IL1RAPL1: variants seen among roughly 807,000 people sequenced by gnomAD.
The protein encoded by IL1RAPL1 is interleukin-1 receptor accessory protein-like 1.
Under a neutral mutation model 48.4 loss-of-function variants are expected in IL1RAPL1, and 3 were observed. The observed-to-expected ratio is 0.06, with a 90% CI of 0.03 to 0.16. The LOEUF is 0.16. Among genes scored for constraint, IL1RAPL1 ranks in the 10% least tolerant of loss-of-function variants. The pLI is 1.00. For synonymous variants in IL1RAPL1, 185 were observed against 187.7 expected (o/e 0.99, Z 0.12); for missense variants, 349 against 530.6 (o/e 0.66, Z 3.36).
chrX:28,969,594 T>A (rs767220735), intron 2 of IL1RAPL1, among the ~76,000 whole-genome samples: 1 of 110,328 alleles, frequency 9.1e-6, no homozygotes, highest in Non-Finnish European at 1.9e-5. Flanking sequence ...TATGATGATG[T>A]TTGTTAGGTT....
At chrX:29,954,330 A>G (rs986830953) in intron 9 of IL1RAPL1, among the ~76,000 whole-genome samples, 192 bp from the exon 10 acceptor site, 3 of 110,134 alleles carry the variant, frequency 2.7e-5, no homozygotes, top group Non-Finnish European at 5.7e-5. Flanking sequence ...AACAAATCAA[A>G]ATTCAACCCT....
chrX:29,804,403 C>G (rs760514799), intron 6 of IL1RAPL1, among the ~76,000 whole-genome samples: 1 of 111,619 alleles, frequency 9.0e-6, no homozygotes, highest in South Asian at 3.8e-4. Context: ...TGTCCCCACC[C>G]AAATCCCACC....
intron 6 of IL1RAPL1, among the ~76,000 whole-genome samples, chrX:29,769,610 A>ATTTTTT (rs146650137): frequency 4.6e-5 from 2 of 43,061 alleles, no homozygotes; most frequent in Non-Finnish European, 7.7e-5. Flanking sequence ...TGCCTGGCTA[A>ATTTTTT]TTTTTTTTTT....
At chrX:28,692,679 A>G (rs1935191753) in intron 1 of IL1RAPL1, among the ~76,000 whole-genome samples, 1 of 112,061 alleles carries the variant, frequency 8.9e-6, no homozygotes, top group South Asian at 3.7e-4. Flanking sequence ...GAGTGTTCAT[A>G]TGTAATGTTT....
At position 28,653,164 on chromosome X, in the gene IL1RAPL1, C is replaced by G. The variant is rs139156301; in HGVS notation, c.-25+65117C>G. Among the ~76,000 whole-genome samples, 7 of 111,832 alleles carry G rather than the reference C, an allele frequency of 6.3e-5. No homozygotes were observed. In the East Asian group the frequency reaches 2.0e-3, roughly 31 times the overall value. On this transcript the variant is annotated intron_variant, in intron 1 of 10. Transcript: ENST00000378993. Reference sequence around the variant, plus strand: ...TAATAAAGATTGGAGAATATTTTAACTCCACCTTTTTTTCTTTAAAGCTTT... The same window carrying G: ...TAATAAAGATTGGAGAATATTTTAAGTCCACCTTTTTTTCTTTAAAGCTTT...
At chrX:29,602,290 A>C (rs1437936485) in intron 5 of IL1RAPL1, among the ~76,000 whole-genome samples, 1 of 111,468 alleles carries the variant, frequency 9.0e-6, no homozygotes, top group Non-Finnish European at 1.9e-5. Flanking sequence ...GCCTATTCTT[A>C]ATAAGAGGTT....
At chrX:29,927,676 T>C (rs1341699459) in intron 8 of IL1RAPL1, among the ~76,000 whole-genome samples, 1 of 111,851 alleles carries the variant, frequency 8.9e-6, no homozygotes, top group African/African-American at 3.2e-5. Flanking sequence ...TATACACATA[T>C]GTTTTAGCCT....
intron 1 of IL1RAPL1, among the ~76,000 whole-genome samples, 174 bp from the exon 2 acceptor site, chrX:28,789,146 T>A (rs1373434085): frequency 8.9e-6 from 1 of 112,112 alleles, no homozygotes; most frequent in Non-Finnish European, 1.9e-5. Context: ...CCAGTTTCGA[T>A]TTAACTTAGG....
At chrX:29,258,512 C>A (rs917956786) in intron 2 of IL1RAPL1, among the ~76,000 whole-genome samples, 7 of 111,124 alleles carry the variant, frequency 6.3e-5, no homozygotes, top group African/African-American at 2.0e-4. Flanking sequence ...CCACTCTGGC[C>A]CCCAGGTATA....
At chrX:29,079,720 GA>G (rs779837454) in intron 2 of IL1RAPL1, among the ~76,000 whole-genome samples, 1 of 109,544 alleles carries the variant, frequency 9.1e-6, no homozygotes, top group African/African-American at 3.3e-5. Flanking sequence ...AGGCAGAAAA[GA>G]AAAAAAGTGA....
intron 2 of IL1RAPL1, among the ~76,000 whole-genome samples, chrX:29,244,729 A>G (rs1931479165): frequency 1.8e-5 from 2 of 112,126 alleles, no homozygotes; most frequent in East Asian, 5.6e-4. Flanking sequence ...CACTAAGCAG[A>G]CTCCATGGCA....
At chrX:29,023,126 T>C (rs1245434038) in intron 2 of IL1RAPL1, among the ~76,000 whole-genome samples, 1 of 112,339 alleles carries the variant, frequency 8.9e-6, no homozygotes, top group Non-Finnish European at 1.9e-5. Flanking sequence ...TAATCATTTG[T>C]CAAGATGTAT....
chrX:28,625,407 C>G (rs1318258534), intron 1 of IL1RAPL1, among the ~76,000 whole-genome samples: 5 of 112,072 alleles, frequency 4.5e-5, no homozygotes, highest in African/African-American at 1.6e-4. Context: ...CTTGTTCCTT[C>G]GAATGCTTCA....
rs373589091 is a variant in IL1RAPL1 at position 29,808,051 on chromosome X, G to C, written c.779-109413G>C. ...ATAAACTGTTTTTGCAGGACAGTTT[G>C]GTAATAGCTATAGGGAATCTTAGGT... On this transcript the variant is annotated intron_variant, in intron 6 of 10. Coordinates refer to ENST00000378993, the MANE Select transcript of IL1RAPL1 (RefSeq NM_014271.4). Among the ~76,000 whole-genome samples, 4 of 111,708 alleles carry C rather than the reference G, an allele frequency of 3.6e-5. No homozygotes were observed. The East Asian group carries it at 8.4e-4, about 23-fold the overall frequency.
At chrX:29,720,941 T>C (rs1474357352) in intron 6 of IL1RAPL1, among the ~76,000 whole-genome samples, 1 of 112,226 alleles carries the variant, frequency 8.9e-6, no homozygotes, top group Non-Finnish European at 1.9e-5. Flanking sequence ...GATTTTCCCA[T>C]GATTCTCCTA....
At chrX:29,342,779 G>A (rs182765918) in intron 3 of IL1RAPL1, among the ~76,000 whole-genome samples, 4 of 111,934 alleles carry the variant, frequency 3.6e-5, no homozygotes, top group East Asian at 5.6e-4. Context: ...ATGCTAACAC[G>A]CTACTAAAAA....
intron 1 of IL1RAPL1, among the ~76,000 whole-genome samples, chrX:28,737,116 T>G (rs1935838439): frequency 1.0e-4 from 1 of 9,919 alleles, no homozygotes; most frequent in African/African-American, 3.1e-4. Context: ...TCTCTTCTTT[T>G]CCTTCCTTCC....
chrX:28,788,747 C>T (rs1236781018), intron 1 of IL1RAPL1, among the ~76,000 whole-genome samples: 2 of 110,009 alleles, frequency 1.8e-5, no homozygotes, highest in Non-Finnish European at 3.8e-5. Flanking sequence ...AGATTACAGT[C>T]ATGAGCCACT....
intron 5 of IL1RAPL1, among the ~76,000 whole-genome samples, chrX:29,504,695 C>G (rs1935309834): frequency 8.9e-6 from 1 of 111,936 alleles, no homozygotes; most frequent in East Asian, 2.8e-4. Context: ...ATATCTTTTC[C>G]CAACACTTCA....
Sources: allele counts gnomAD v4.1 joint callset (sites outside exome capture counted in the v4.1 genomes callset), GRCh38; gene constraint gnomAD v4.1.1; transcripts MANE v1.5; gene names NCBI Gene and HGNC (gene_info 2026-07-23, HGNC 2026-07-21).